Variants in ZNF704 observed in about 807,000 individuals in gnomAD.
ZNF704 encodes glucocorticoid induced gene 1.
A neutral mutation model predicts 44.7 loss-of-function variants in ZNF704; 10 were observed. The ratio of observed to expected loss-of-function variants is 0.22; its 90% CI spans 0.14 to 0.38. ZNF704 has a LOEUF of 0.38. Among genes scored for constraint, ZNF704 ranks in the 10% least tolerant of loss-of-function variants. ZNF704 has a pLI of 1.00. For synonymous variants in ZNF704, 211 were observed against 207.6 expected (o/e 1.02, Z -0.14); for missense variants, 390 against 545.5 (o/e 0.71, Z 2.84).
At chr8:80,849,119 C>A (rs529222875) in intron 1 of ZNF704, among the ~76,000 whole-genome samples, 1 of 152,134 alleles carries the variant, frequency 6.6e-6, no homozygotes, top group Non-Finnish European at 1.5e-5. Context: ...AGGTATCACA[C>A]GATTCTATCT....
intron 4 of ZNF704, among the ~76,000 whole-genome samples, chr8:80,674,349 T>C (rs1386234550): frequency 6.6e-6 from 1 of 152,160 alleles, no homozygotes; most frequent in Non-Finnish European, 1.5e-5. Context: ...TGCATTGCCA[T>C]AAAAGAATAC....
chr8:80,715,368 A>G (rs1398370088), intron 2 of ZNF704, among the ~76,000 whole-genome samples: 1 of 152,196 alleles, frequency 6.6e-6, no homozygotes, highest in Non-Finnish European at 1.5e-5. Context: ...AGGGGGCTCC[A>G]CAAGCCTCAG....
chr8:80,813,071 C>G (rs137997101), intron 2 of ZNF704, among the ~76,000 whole-genome samples: 2 of 152,184 alleles, frequency 1.3e-5, no homozygotes, highest in Non-Finnish European at 2.9e-5. Context: ...TAATGGTACT[C>G]CTAAACATTT....
At chr8:80,691,148 A>C (rs758335294) in intron 3 of ZNF704, among the ~76,000 whole-genome samples, 8 of 152,204 alleles carry the variant, frequency 5.3e-5, no homozygotes, top group Non-Finnish European at 1.2e-4. Flanking sequence ...GGTTGGAGTA[A>C]GTTTTGGTAA....
At chr8:80,842,041 C>G (rs925098210) in intron 1 of ZNF704, among the ~76,000 whole-genome samples, 57 of 152,344 alleles carry the variant, frequency 3.7e-4, no homozygotes, top group African/African-American at 1.4e-3. Context: ...AAATGATCCT[C>G]TTGCCTCTGC....
At chr8:80,702,554 G>A (rs367852714) in intron 2 of ZNF704, among the ~76,000 whole-genome samples, 1 of 152,160 alleles carries the variant, frequency 6.6e-6, no homozygotes, top group Non-Finnish European at 1.5e-5. Flanking sequence ...AGGTTTTGGA[G>A]AGAGAGCCAT....
At chr8:80,794,431 T>C (rs933482819) in intron 2 of ZNF704, among the ~76,000 whole-genome samples, 1 of 152,206 alleles carries the variant, frequency 6.6e-6, no homozygotes, top group African/African-American at 2.4e-5. Context: ...GTTAATCTTG[T>C]AGCTCAACAT....
chr8:80,669,832 G>A (rs1818252200), intron 5 of ZNF704, among the ~76,000 whole-genome samples: 1 of 152,128 alleles, frequency 6.6e-6, no homozygotes, highest in South Asian at 2.1e-4. Context: ...CTGCCCCCCT[G>A]GGGTGACCTG....
At chr8:80,644,013 C>G (rs1394228129) in intron 7 of ZNF704, among the ~76,000 whole-genome samples, 1 of 152,138 alleles carries the variant, frequency 6.6e-6, no homozygotes. Context: ...GGAATAAAGG[C>G]AAGAGGCAGA....
chr8:80,670,061 A>G (rs992607525), intron 5 of ZNF704, among the ~76,000 whole-genome samples: 27 of 152,202 alleles, frequency 1.8e-4, no homozygotes, highest in African/African-American at 6.3e-4. Context: ...TCTCCACTGG[A>G]AAATAAATGT....
chr8:80,782,779 G>A (rs563572132), intron 2 of ZNF704, among the ~76,000 whole-genome samples: 1 of 152,224 alleles, frequency 6.6e-6, no homozygotes, highest in Non-Finnish European at 1.5e-5. Context: ...CAGGTGAATG[G>A]CACCAGGATG....
intron 4 of ZNF704, among the ~76,000 whole-genome samples, chr8:80,683,665 T>C (rs1344001603): frequency 2.0e-5 from 3 of 152,198 alleles, no homozygotes; most frequent in Non-Finnish European, 4.4e-5. Flanking sequence ...GGGATAAGAA[T>C]ACACCAAAGA....
intron 6 of ZNF704, among the ~76,000 whole-genome samples, chr8:80,661,509 A>G (rs1414286165): frequency 6.6e-6 from 1 of 152,220 alleles, no homozygotes; most frequent in Non-Finnish European, 1.5e-5. Context: ...TTATTGCAGC[A>G]CTATTCACAA....
At position 80,633,270 on chromosome 8, in the gene ZNF704, A is replaced by C. The variant is rs1312966706; in HGVS notation, c.*8096T>G. On this transcript the variant is annotated 3_prime_UTR_variant, in exon 9 of 9. Coordinates refer to ENST00000327835, the MANE Select transcript of ZNF704 (RefSeq NM_001033723.3). ...TTGACTTAAGTTTATATACATAGCAAATGTTGTATGCTAGCAGCAAAATAA... is the reference window on the plus strand; with the variant it reads ...TTGACTTAAGTTTATATACATAGCACATGTTGTATGCTAGCAGCAAAATAA... 6.6e-6 allele frequency: 1 copy of C among 152,220 alleles called. No homozygotes were observed. The highest frequency in any genetic ancestry group is 1.5e-5 in the Non-Finnish European group (1 of 68,036). The allele number at this position is 152,220 out of a possible 1,614,324, so 9.4% of individuals were successfully genotyped here. A position where few individuals can be genotyped will look rare whatever the true frequency, so the allele number is the denominator to read the frequency against.
At chr8:80,782,142 C>T (rs541157361) in intron 2 of ZNF704, among the ~76,000 whole-genome samples, 1 of 152,200 alleles carries the variant, frequency 6.6e-6, no homozygotes, top group Admixed American at 6.5e-5. Context: ...TTTGAGTTAG[C>T]GCAGCTGGGA....
At chr8:80,656,574 A>C (rs1489715291) in intron 7 of ZNF704, among the ~76,000 whole-genome samples, 1 of 152,224 alleles carries the variant, frequency 6.6e-6, no homozygotes, top group African/African-American at 2.4e-5. Context: ...TACATTTGTT[A>C]AATATGCAGT....
intron 2 of ZNF704, among the ~76,000 whole-genome samples, chr8:80,713,040 C>T (rs958916685): frequency 1.3e-5 from 2 of 151,872 alleles, no homozygotes; most frequent in Non-Finnish European, 2.9e-5. Flanking sequence ...GGATTACAGG[C>T]ACCCACCACC....
intron 7 of ZNF704, among the ~76,000 whole-genome samples, chr8:80,643,524 A>G (rs971018934): frequency 6.8e-6 from 1 of 147,020 alleles, no homozygotes; most frequent in African/African-American, 2.6e-5. Context: ...CTCAAAAAAA[A>G]AAAAAAAAAA....
chr8:80,804,108 T>C (rs1586039549), intron 2 of ZNF704, among the ~76,000 whole-genome samples: 1 of 151,960 alleles, frequency 6.6e-6, no homozygotes, highest in African/African-American at 2.4e-5. Flanking sequence ...ATTAGAGAAA[T>C]GCAAATCAAA....
Sources: gnomAD v4.1 joint callset for allele counts (sites outside exome capture counted in the v4.1 genomes callset) on GRCh38, gnomAD v4.1.1 for gene constraint, MANE v1.5 for transcripts, NCBI Gene and HGNC (gene_info 2026-07-23, HGNC 2026-07-21) for gene names.